ACO1: variants seen among roughly 807,000 people sequenced by gnomAD.
ACO1 encodes cytoplasmic aconitate hydratase.
Under a neutral mutation model 105.1 loss-of-function variants are expected in ACO1, and 78 were observed. The observed-to-expected ratio is 0.74, with a 90% confidence interval of 0.62 to 0.90. ACO1 has a LOEUF of 0.90. ACO1 is among the 40% of genes least tolerant of loss of function. The pLI is 0.00. For synonymous variants in ACO1, 364 were observed against 397.4 expected, an observed-to-expected ratio of 0.92 and a Z score of 1.00; for missense variants, 965 against 1,111.1, an observed-to-expected ratio of 0.87 and a Z score of 1.87.
In ACO1 at chr9:32,387,232, C is replaced by T. The variant is rs548097138; in HGVS notation, c.-23+2497C>T. Reference sequence around the variant, plus strand: ...CCAGCCTCGGGTTAAGACACTTTCTCTGGGTCTCAGTGTCTTTGACTTTAA... The same window carrying T: ...CCAGCCTCGGGTTAAGACACTTTCTTTGGGTCTCAGTGTCTTTGACTTTAA... On this transcript the variant is annotated intron_variant, in intron 1 of 20. Transcript: ENST00000309951. Among the ~76,000 whole-genome samples, 8 of 152,306 alleles carry T rather than the reference C, an allele frequency of 5.3e-5. No homozygotes were observed. In the East Asian group the frequency reaches 1.5e-3, roughly 29 times the overall value.
intron 4 of ACO1, among the ~76,000 whole-genome samples, chr9:32,411,413 A>C (rs939831778): frequency 6.6e-6 from 1 of 152,200 alleles, no homozygotes; most frequent in Non-Finnish European, 1.5e-5. Flanking sequence ...GATGAGACTA[A>C]ATTTAGAAGC....
intron 1 of ACO1, among the ~76,000 whole-genome samples, chr9:32,399,700 G>T (rs1821446853): frequency 6.6e-6 from 1 of 151,928 alleles, no homozygotes; most frequent in Non-Finnish European, 1.5e-5. Flanking sequence ...GATTTTTATG[G>T]TATAGTTTAA....
intron 1 of ACO1, among the ~76,000 whole-genome samples, chr9:32,403,029 A>G (rs983664586): frequency 6.6e-6 from 1 of 152,176 alleles, no homozygotes; most frequent in Non-Finnish European, 1.5e-5. Flanking sequence ...TCCAGCATTC[A>G]AAGTTGAGTC....
chr9:32,408,988 T>G (rs1044232537), intron 4 of ACO1, among the ~76,000 whole-genome samples: 1 of 152,184 alleles, frequency 6.6e-6, no homozygotes, highest in Non-Finnish European at 1.5e-5. Flanking sequence ...TGTTTGAGCT[T>G]TTTCATCCAC....
At chr9:32,430,167 TG>T (rs1822194014) in intron 13 of ACO1, among the ~76,000 whole-genome samples, 1 of 152,236 alleles carries the variant, frequency 6.6e-6, no homozygotes, top group African/African-American at 2.4e-5. Flanking sequence ...ATAACTAGTA[TG>T]TTGCCTTCTA....
At chr9:32,443,057 T>C (rs748852660) in intron 19 of ACO1, among the ~76,000 whole-genome samples, 1 of 152,170 alleles carries the variant, frequency 6.6e-6, no homozygotes, top group Non-Finnish European at 1.5e-5. Context: ...ACAAAGTCTT[T>C]TGTTTATTTT....
intron 19 of ACO1, among the ~76,000 whole-genome samples, chr9:32,448,155 C>T (rs1822663620): frequency 6.6e-6 from 1 of 152,164 alleles, no homozygotes; most frequent in Admixed American, 6.6e-5. Context: ...CCACCCCTTC[C>T]CCTAGGTGCT....
rs1356499174 is a variant in ACO1, at chr9:32,444,268, A to G, written c.2370+3681A>G. ...GTTCCAGGTCTTTGCTATTGTGAACAATGCCACAATAAACATACGTGTGCA... is the reference window on the plus strand; with the variant it reads ...GTTCCAGGTCTTTGCTATTGTGAACGATGCCACAATAAACATACGTGTGCA... On this transcript the variant is annotated intron_variant, in intron 19 of 20. Coordinates refer to ENST00000309951, the MANE Select transcript of ACO1 (RefSeq NM_002197.3). 3.3e-5 allele frequency among the ~76,000 whole-genome samples: 5 copies of G among 152,228 alleles called. 1 individual carries two copies. The East Asian group carries it at 9.6e-4, about 29-fold the overall frequency.
chr9:32,398,294 C>G (rs1241785240), intron 1 of ACO1, among the ~76,000 whole-genome samples: 4 of 152,106 alleles, frequency 2.6e-5, no homozygotes. Flanking sequence ...TTTTCTGATC[C>G]TTGGCATTTA....
intron 19 of ACO1, among the ~76,000 whole-genome samples, chr9:32,441,562 G>C (rs896713646): frequency 6.6e-6 from 1 of 152,030 alleles, no homozygotes; most frequent in Non-Finnish European, 1.5e-5. Context: ...AATGTTCTCT[G>C]ATTAGTTGAT....
At chr9:32,428,177 G>T (rs745871354) in intron 12 of ACO1, among the ~76,000 whole-genome samples, 1 of 151,752 alleles carries the variant, frequency 6.6e-6, no homozygotes, top group East Asian at 1.9e-4. Flanking sequence ...CCAGCTTCTC[G>T]GGAGGCTGAG....
chr9:32,416,630 C>G (rs1362961537), intron 4 of ACO1, among the ~76,000 whole-genome samples: 1 of 152,166 alleles, frequency 6.6e-6, no homozygotes. Context: ...TGCCCTTTCA[C>G]CAGACTCAGA....
At chr9:32,389,122 A>ATAC (rs1341617658) in intron 1 of ACO1, among the ~76,000 whole-genome samples, 9 of 152,198 alleles carry the variant, frequency 5.9e-5, no homozygotes, top group African/African-American at 2.2e-4. Flanking sequence ...TGGTGTTACA[A>ATAC]AATAGTGTTG....
At chr9:32,393,813 A>G (rs1465547956) in intron 1 of ACO1, among the ~76,000 whole-genome samples, 2 of 152,140 alleles carry the variant, frequency 1.3e-5, no homozygotes, top group Admixed American at 1.3e-4. Context: ...CCCAATACAT[A>G]ACTCTGCCTG....
Position 32,450,152 on chromosome 9 carries a change from C to G in ACO1, c.*41C>G. The G allele has an allele frequency of 6.5e-7, 1 of 1,535,010 alleles. No individual in the cohort carries two copies. The highest frequency in any genetic ancestry group is 9.0e-7 in the Non-Finnish European group (1 of 1,109,776). Reference sequence around the variant, plus strand: ...TGCTGCGCCCAGGGAGGAAGCCGCACCACCAGCCAGCGCAGGCCCTGGTGG... The same window carrying G: ...TGCTGCGCCCAGGGAGGAAGCCGCAGCACCAGCCAGCGCAGGCCCTGGTGG... On this transcript the variant is annotated 3_prime_UTR_variant, in exon 21 of 21. Transcript: ENST00000309951.
At chr9:32,425,788 T>C in intron 10 of ACO1, 50 bp from the exon 11 acceptor site, 1 of 1,318,518 alleles carries the variant, frequency 7.6e-7, no homozygotes, top group Non-Finnish European at 1.0e-6. Flanking sequence ...GATACATGTA[T>C]ATCTTATATA....
intron 4 of ACO1, among the ~76,000 whole-genome samples, chr9:32,415,260 A>T (rs1039816953): frequency 3.3e-5 from 5 of 152,216 alleles, no homozygotes; most frequent in African/African-American, 1.2e-4. Flanking sequence ...AGCCATTGGT[A>T]GATTCAGACT....
At chr9:32,389,676 T>C (rs1393794316) in intron 1 of ACO1, among the ~76,000 whole-genome samples, 1 of 151,936 alleles carries the variant, frequency 6.6e-6, no homozygotes, top group African/African-American at 2.4e-5. Context: ...TTTCTTTTTT[T>C]TTTTTTTTCC....
In ACO1 at chr9:32,450,913, T is replaced by G. The variant is rs1375837587; in HGVS notation, c.*802T>G. ...AGTACAGAGTGAATCTCACACCATA[T>G]CATTGGGAAGCCTGAATAACCTTCA... On this transcript the variant is annotated 3_prime_UTR_variant, in exon 21 of 21. Coordinates refer to ENST00000309951, the MANE Select transcript of ACO1 (RefSeq NM_002197.3). 6.6e-6 allele frequency: 1 copy of G among 152,164 alleles called. No individual in the cohort carries two copies. The highest frequency in any genetic ancestry group is 1.5e-5 in the Non-Finnish European group (1 of 68,030). The allele number at this position is 152,164 out of a possible 1,614,324, so 9.4% of individuals were successfully genotyped here.
Sources: allele counts gnomAD v4.1 joint callset (sites outside exome capture counted in the v4.1 genomes callset), GRCh38; gene constraint gnomAD v4.1.1; transcripts MANE v1.5; gene names NCBI Gene and HGNC (gene_info 2026-07-23, HGNC 2026-07-21).